TOX3: variants seen among roughly 807,000 people sequenced by gnomAD.
TOX3 encodes TOX high mobility group box family member 3.
In TOX3, 22 loss-of-function variants were observed where a neutral mutation model predicts 64.3. That is an observed-to-expected ratio of 0.34 (90% CI 0.24 to 0.49). The LOEUF is 0.49. Ranked by LOEUF, TOX3 falls within the 20% of genes least tolerant of loss-of-function variation. TOX3 has a pLI of 0.99. For synonymous variants in TOX3, 291 were observed against 273.6 expected (o/e 1.06, Z -0.63); for missense variants, 661 against 714.4 (o/e 0.93, Z 0.85).
At chr16:52,444,614 T>G (rs776429010) in intron 5 of TOX3, 2 of 341,560 alleles carry the variant, frequency 5.9e-6, no homozygotes, top group Admixed American at 4.7e-5. Flanking sequence ...AAGAAAAAGA[T>G]TTCTGGATGC....
intron 1 of TOX3, among the ~76,000 whole-genome samples, chr16:52,498,594 G>C (rs535719622): frequency 3.9e-5 from 6 of 152,226 alleles, no homozygotes; most frequent in Middle Eastern, 3.4e-3. Flanking sequence ...GGGTTGGGGG[G>C]GGGAGGCTGT....
intron 6 of TOX3, among the ~76,000 whole-genome samples, chr16:52,442,292 A>G (rs1472034128): frequency 2.0e-5 from 3 of 152,180 alleles, no homozygotes; most frequent in Non-Finnish European, 4.4e-5. Flanking sequence ...GCATAAGTTA[A>G]ATGTGCATAT....
intron 3 of TOX3, among the ~76,000 whole-genome samples, chr16:52,454,371 T>C (rs1316093022): frequency 1.3e-5 from 2 of 152,142 alleles, no homozygotes; most frequent in African/African-American, 2.4e-5. Flanking sequence ...AGATGCCATC[T>C]CCCACTGGAC....
chr16:52,448,362 T>C (rs527454847), intron 4 of TOX3, among the ~76,000 whole-genome samples: 17 of 152,244 alleles, frequency 1.1e-4, no homozygotes, highest in African/African-American at 4.1e-4. Context: ...ACAATTTCAG[T>C]ATGGTACAGT....
chr16:52,522,502 C>A (rs1962633202), intron 1 of TOX3, among the ~76,000 whole-genome samples: 1 of 152,174 alleles, frequency 6.6e-6, no homozygotes, highest in Non-Finnish European at 1.5e-5. Flanking sequence ...CTTGCAGTCT[C>A]ACACAAATGG....
At chr16:52,538,992 C>G (rs1963020536) in intron 1 of TOX3, among the ~76,000 whole-genome samples, 1 of 151,924 alleles carries the variant, frequency 6.6e-6, no homozygotes, top group Admixed American at 6.6e-5. Context: ...AGCACTAATT[C>G]CACCTTCAAA....
chr16:52,469,499 AAAG>A (rs1960974958), intron 1 of TOX3, among the ~76,000 whole-genome samples: 1 of 152,220 alleles, frequency 6.6e-6, no homozygotes, highest in Non-Finnish European at 1.5e-5. Flanking sequence ...TTAACTGGTA[AAAG>A]AATGTCCTTT....
At chr16:52,504,739 G>C (rs1418463738) in intron 1 of TOX3, among the ~76,000 whole-genome samples, 1 of 152,160 alleles carries the variant, frequency 6.6e-6, no homozygotes, top group African/African-American at 2.4e-5. Flanking sequence ...CAAGGCAAGG[G>C]ACTCGATCTC....
intron 1 of TOX3, among the ~76,000 whole-genome samples, chr16:52,520,213 G>A (rs1013415087): frequency 3.3e-5 from 5 of 152,052 alleles, no homozygotes; most frequent in African/African-American, 9.7e-5. Flanking sequence ...TTAAAAACTA[G>A]CATTGGTTGA....
intron 3 of TOX3, among the ~76,000 whole-genome samples, chr16:52,461,993 T>C (rs921169005): frequency 6.6e-6 from 1 of 152,132 alleles, no homozygotes; most frequent in Admixed American, 6.5e-5. Flanking sequence ...GTACATTTTA[T>C]TTTTTTCCAA....
chr16:52,437,780 C>A lies in TOX3; in HGVS notation c.*1445G>T, dbSNP rs1206223633. Among the ~76,000 whole-genome samples the A allele has an allele frequency of 8.5e-6, 1 of 117,784 alleles. No homozygotes were observed. Among genetic ancestry groups the A allele is most frequent in the Non-Finnish European group, 1.6e-5 (1 of 60,882 alleles). 77.3% of individuals were successfully genotyped at this position (117,784 alleles called of 152,430 possible). On this transcript the variant is annotated 3_prime_UTR_variant, in exon 7 of 7. Coordinates refer to ENST00000219746, the MANE Select transcript of TOX3 (RefSeq NM_001080430.4). Reference sequence around the variant, plus strand: ...CTTTTTTCTCTATACTTACCTTGTACTTGCATCTTAAAAAAAAAAAAAAAA... The same window carrying A: ...CTTTTTTCTCTATACTTACCTTGTAATTGCATCTTAAAAAAAAAAAAAAAA...
At chr16:52,485,628 T>C (rs557880156) in intron 1 of TOX3, among the ~76,000 whole-genome samples, 37 of 152,108 alleles carry the variant, frequency 2.4e-4, no homozygotes, top group African/African-American at 8.9e-4. Context: ...AACATGCACA[T>C]GTACCCCCTG....
rs761279511 is a variant in TOX3 at position 52,446,180 on chromosome 16, C to T, written c.720G>A (p.Lys240=). The T allele has an allele frequency of 6.2e-7, 1 of 1,613,898 alleles. No individual in the cohort carries two copies. Among genetic ancestry groups the T allele is most frequent in the Non-Finnish European group, 8.5e-7 (1 of 1,179,846 alleles). Residue 240 remains lysine, a synonymous_variant, in exon 5 of 7, where the codon AAG becomes AAA. Transcript: ENST00000219746. ...EKRAAPDSGK[K]PKTPKKKKKK... is the part of the protein sequence containing the mutation. ...TTTTCTTTTTCTTTGGAGTCTTGGG[C>T]TTCTTGCCAGAGTCTGGAGCAGCTC...
chr16:52,513,915 C>T (rs550534836), intron 1 of TOX3, among the ~76,000 whole-genome samples: 12 of 152,218 alleles, frequency 7.9e-5, no homozygotes, highest in African/African-American at 2.6e-4. Context: ...GTTTCTCAAC[C>T]ATAATGGAAA....
chr16:52,519,530 A>T, intron 1 of TOX3: 1 of 1,542,898 alleles, frequency 6.5e-7, no homozygotes, highest in Non-Finnish European at 8.8e-7. Context: ...CCCTCTTCTG[A>T]CTCTTCTGTC....
chr16:52,488,794 C>T (rs1961596589), intron 1 of TOX3, among the ~76,000 whole-genome samples: 3 of 152,146 alleles, frequency 2.0e-5, no homozygotes, highest in Non-Finnish European at 1.5e-5. Context: ...CAGATACACA[C>T]ACGATTAATA....
intron 1 of TOX3, among the ~76,000 whole-genome samples, chr16:52,536,627 CTATATATATATATATATATA>C (rs57164139): frequency 0.023 from 800 of 34,282 alleles, 18 homozygotes; most frequent in African/African-American, 0.031. Flanking sequence ...TAGATATACA[CTATATATATATATATATATA>C]TATATATATA....
chr16:52,476,736 C>T (rs530158257), intron 1 of TOX3, among the ~76,000 whole-genome samples: 13 of 152,202 alleles, frequency 8.5e-5, no homozygotes, highest in African/African-American at 3.1e-4. Flanking sequence ...TTAACTGAGT[C>T]CCTATTAAAT....
chr16:52,438,148 A>G lies in TOX3; in HGVS notation c.*1077T>C, dbSNP rs1455212137. The G allele has an allele frequency of 6.6e-6, 1 of 152,654 alleles. No individual in the cohort carries two copies. Among genetic ancestry groups the G allele is most frequent in the Non-Finnish European group, 1.5e-5 (1 of 68,042 alleles). 9.5% of individuals were successfully genotyped at this position (152,654 alleles called of 1,614,324 possible). Reference sequence around the variant, plus strand: ...GTTTTAGTTAAGCAAAATACAAACAACTTAATTGCTGCTATCATAACTCAT... The same window carrying G: ...GTTTTAGTTAAGCAAAATACAAACAGCTTAATTGCTGCTATCATAACTCAT... On this transcript the variant is annotated 3_prime_UTR_variant, in exon 7 of 7. Coordinates refer to ENST00000219746, the MANE Select transcript of TOX3 (RefSeq NM_001080430.4).
Sources: allele counts gnomAD v4.1 joint callset (sites outside exome capture counted in the v4.1 genomes callset), GRCh38; gene constraint gnomAD v4.1.1; transcripts MANE v1.5; gene names NCBI Gene and HGNC (gene_info 2026-07-23, HGNC 2026-07-21).